Variants in YTHDC1 observed in about 807,000 individuals in gnomAD.
YTHDC1 encodes the protein YTH N6-methyladenosine RNA binding protein C1.
In YTHDC1, 12 loss-of-function variants were observed where a neutral mutation model predicts 107.0. The observed-to-expected ratio is 0.11, with a 90% confidence interval of 0.07 to 0.18. The LOEUF is 0.18. Among genes scored for constraint, YTHDC1 ranks in the 10% least tolerant of loss-of-function variants. YTHDC1 has a pLI of 1.00. For missense variants in YTHDC1, 635 were observed against 898.8 expected, an observed-to-expected ratio of 0.71 and a Z score of 3.75; for synonymous variants, 280 against 289.5, an observed-to-expected ratio of 0.97 and a Z score of 0.33.
At chr4:68,332,707 T>C in intron 6 of YTHDC1, 87 bp downstream of exon 6, 2 of 1,223,186 alleles carry the variant, frequency 1.6e-6, no homozygotes, top group Non-Finnish European at 2.3e-6. Context: ...CATTACTACA[T>C]TAAAAGCAGC....
intron 9 of YTHDC1, among the ~76,000 whole-genome samples, chr4:68,329,000 T>C (rs888646928): frequency 1.3e-5 from 2 of 152,232 alleles, no homozygotes; most frequent in South Asian, 2.1e-4. Context: ...TACAGTCTTA[T>C]GGGACAAGAT....
In YTHDC1 at chr4:68,349,835, CA is replaced by C; in HGVS notation, c.-83del. ...GCGGGCGCCGCAGCCGCGGCAGAAG[CA>C]CGGGCCCGTCCGTCAGTCCGTCTGC... On this transcript the variant is annotated 5_prime_UTR_variant, in exon 1 of 17. Transcript: ENST00000344157. The C allele has an allele frequency of 3.8e-6, 6 of 1,597,266 alleles. No individual in the cohort carries two copies. The highest frequency in any genetic ancestry group is 5.1e-6 in the Non-Finnish European group (6 of 1,168,550).
chr4:68,322,699 A>G lies in YTHDC1; in HGVS notation c.1601+50T>C. The G allele has an allele frequency of 1.3e-6, 2 of 1,575,756 alleles. No homozygotes were observed. The highest frequency in any genetic ancestry group is 1.7e-4 in the Middle Eastern group (1 of 5,908). On this transcript the variant is annotated intron_variant, in intron 11 of 16. Transcript: ENST00000344157. This position sits in a 1 kb window ranked among gnomAD's most constrained non-coding sequence, Gnocchi z 4.8. ...TTTTGACGAATCATATTCCTCCATCATGTTATTCTGATACATGTGCCTATT... is the reference window on the plus strand; with the variant it reads ...TTTTGACGAATCATATTCCTCCATCGTGTTATTCTGATACATGTGCCTATT...
Position 68,337,362 on chromosome 4 carries a change from T to C in YTHDC1, c.548A>G (p.His183Arg), listed in dbSNP as rs3813832. The C allele has an allele frequency of 0.033, 52,739 of 1,614,100 alleles. 2,057 individuals are homozygous for C. Among genetic ancestry groups the C allele is most frequent in the East Asian group, 0.24 (10,976 of 44,856 alleles). ...EVNSEEYGSD[H>R]ETGSSGSSDE... The stretch of plus-strand genomic sequence containing the variant: ...AGAAGAACCACTGCTGCCAGTCTCA[T>C]GGTCAGAGCCATATTCTTCAGAGTT... The change falls in exon 4 of 17, where the codon CAT becomes CGT. Residue 183 changes from histidine (H) to arginine (R), a missense_variant. His to Arg is a conservative substitution (Grantham distance 29). Coordinates refer to ENST00000344157, the MANE Select transcript of YTHDC1 (RefSeq NM_001031732.4).
At chr4:68,332,559 C>T (rs912650738) in intron 6 of YTHDC1, among the ~76,000 whole-genome samples, 12 of 151,998 alleles carry the variant, frequency 7.9e-5, no homozygotes, top group Non-Finnish European at 1.5e-4. Flanking sequence ...CACATACACA[C>T]ACACACCCAT....
At chr4:68,346,651 A>G (rs1725476601) in intron 1 of YTHDC1, among the ~76,000 whole-genome samples, 1 of 152,224 alleles carries the variant, frequency 6.6e-6, no homozygotes, top group South Asian at 2.1e-4. Context: ...TTAGTCATTT[A>G]GTAACTGTCT....
At chr4:68,321,310 C>T (rs1418911075) in intron 11 of YTHDC1, among the ~76,000 whole-genome samples, 2 of 152,142 alleles carry the variant, frequency 1.3e-5, no homozygotes, top group Non-Finnish European at 2.9e-5. Flanking sequence ...AGAATAAAAA[C>T]AGTTGCATCT....
At position 68,320,110 on chromosome 4, in the gene YTHDC1, A is replaced by G; in HGVS notation, c.1684+13T>C. 1 of 1,575,766 alleles carries G rather than the reference A, an allele frequency of 6.3e-7. No individual in the cohort carries two copies. Among genetic ancestry groups the G allele is most frequent in the Non-Finnish European group, 8.6e-7 (1 of 1,159,178 alleles). ...TTTGAAATCAAATATCTGCAGGATT[A>G]TAAAATATTAACCTGGTCTCTGGTG... On this transcript the variant is annotated intron_variant, in intron 12 of 16. Transcript: ENST00000344157.
chr4:68,329,928 T>TC (rs747352930), intron 9 of YTHDC1, 74 bp downstream of exon 9: 9 of 1,142,554 alleles, frequency 7.9e-6, no homozygotes, highest in African/African-American at 1.5e-5. Flanking sequence ...AGTGACTTTT[T>TC]CACTTTAACA....
intron 7 of YTHDC1, 73 bp downstream of exon 7, chr4:68,332,030 A>C (rs182525428): frequency 1.9e-4 from 176 of 907,768 alleles, no homozygotes; most frequent in Non-Finnish European, 6.6e-6. Flanking sequence ...ATGCTACTTG[A>C]TATAATACAA....
At position 68,330,106 on chromosome 4, in the gene YTHDC1, A is replaced by C. The variant is rs1356680686; in HGVS notation, c.1245T>G (p.Leu415=). 2 of 1,613,098 alleles carry C rather than the reference A, an allele frequency of 1.2e-6. No individual in the cohort carries two copies. The highest frequency in any genetic ancestry group is 1.7e-6 in the Non-Finnish European group (2 of 1,179,406). Residue 415 remains leucine (L), a synonymous_variant, in exon 9 of 17, where the codon CTT becomes CTG. Transcript: ENST00000344157. ...ATCCTCCGTGATGTGATTCTGAAGA[A>C]AGTCTTGCAAACCCTAAGAGAATCA... ...ESGKFQGFAR[L]SSESHHGGSP...
At chr4:68,340,985 A>C (rs1184920544) in intron 1 of YTHDC1, among the ~76,000 whole-genome samples, 1 of 152,144 alleles carries the variant, frequency 6.6e-6, no homozygotes. Context: ...TTTAGAAAGC[A>C]CCTACAACCT....
At chr4:68,345,706 A>G (rs1387587432) in intron 1 of YTHDC1, among the ~76,000 whole-genome samples, 2 of 152,314 alleles carry the variant, frequency 1.3e-5, no homozygotes, top group African/African-American at 4.8e-5. Context: ...TATGCCTTAC[A>G]GAGCCCAAAC....
At chr4:68,335,127 C>T (rs568019681) in intron 4 of YTHDC1, among the ~76,000 whole-genome samples, 16 of 152,154 alleles carry the variant, frequency 1.1e-4, no homozygotes, top group Admixed American at 2.0e-4. Flanking sequence ...CAGTCTGTTG[C>T]TTTTATAAAG....
At position 68,310,834 on chromosome 4, in the gene YTHDC1, A is replaced by G. The variant is rs1220251696; in HGVS notation, c.*3265T>C. The G allele has an allele frequency of 6.6e-6, 1 of 152,198 alleles. No individual in the cohort carries two copies. Among genetic ancestry groups the G allele is most frequent in the Admixed American group, 6.5e-5 (1 of 15,286 alleles). 9.4% of individuals were successfully genotyped at this position (152,198 alleles called of 1,614,324 possible). ...ATGCCCCTGAGGACTCTTAATGGTT[A>G]ACATTATGACAAGACAGGATGTATG... On this transcript the variant is annotated 3_prime_UTR_variant, in exon 17 of 17. Transcript: ENST00000344157.
intron 1 of YTHDC1, among the ~76,000 whole-genome samples, chr4:68,348,860 T>G (rs934519468): frequency 2.0e-5 from 3 of 152,162 alleles, no homozygotes; most frequent in Non-Finnish European, 4.4e-5. Flanking sequence ...AATCTTAGGG[T>G]TGAAAAAGAT....
intron 2 of YTHDC1, 101 bp from the exon 3 acceptor site, chr4:68,338,001 GGCCTCATTTCTTT>G: frequency 6.8e-7 from 1 of 1,477,488 alleles, no homozygotes. Flanking sequence ...AGGGGGGATA[GGCCTCATTTCTTT>G]AAAAGTCTTC....
At position 68,312,012 on chromosome 4, in the gene YTHDC1, T is replaced by C. The variant is rs1721344048; in HGVS notation, c.*2087A>G. 1 of 152,172 alleles carries C rather than the reference T, an allele frequency of 6.6e-6. No homozygotes were observed. The highest frequency in any genetic ancestry group is 2.4e-5 in the African/African-American group (1 of 41,438). 9.4% of individuals were successfully genotyped at this position (152,172 alleles called of 1,614,324 possible). A position where few individuals can be genotyped will look rare whatever the true frequency, so the allele number is the denominator to read the frequency against. On this transcript the variant is annotated 3_prime_UTR_variant, in exon 17 of 17. Transcript: ENST00000344157. ...AATTACAAAAATTAGCGGGGTGTGG[T>C]GGTGGGTGCCTGTAGTCCCAGCCAT...
chr4:68,349,964 G>C lies in YTHDC1; in HGVS notation c.-211C>G, dbSNP rs1368071832. 2 of 673,862 alleles carry C rather than the reference G, an allele frequency of 3.0e-6. No individual in the cohort carries two copies. Among genetic ancestry groups the C allele is most frequent in the African/African-American group, 1.8e-5 (1 of 55,166 alleles). The allele number at this position is 673,862 out of a possible 1,614,324, so 41.7% of individuals were successfully genotyped here. On this transcript the variant is annotated 5_prime_UTR_variant, in exon 1 of 17. Transcript: ENST00000344157. ...TTTCACTCCAGCATCCAGCGGCCTA[G>C]GCCCAGCCTTCTCGTTAGGGCTCAG...
Sources: gnomAD v4.1 joint callset for allele counts (sites outside exome capture counted in the v4.1 genomes callset) on GRCh38, gnomAD v4.1.1 for gene constraint, Gnocchi (gnomAD v3.1) non-coding constraint, MANE v1.5 for transcripts, NCBI Gene and HGNC (gene_info 2026-07-23, HGNC 2026-07-21) for gene names.